The following SEC14L1 variants were observed in gnomAD, a reference collection of about 807,000 sequenced individuals.
SEC14L1 encodes SEC14-like protein 1.
SEC14L1 carries 48 observed loss-of-function variants against 85.3 expected under a neutral mutation model. The observed-to-expected ratio is 0.56, with a 90% CI of 0.45 to 0.72. SEC14L1 has a LOEUF of 0.72. Ranked by LOEUF, SEC14L1 falls within the 30% of genes least tolerant of loss-of-function variation. SEC14L1 has a pLI of 0.00. For missense variants in SEC14L1, 682 were observed against 921.4 expected (o/e 0.74, Z 3.36); for synonymous variants, 391 against 355.5 (o/e 1.10, Z -1.12).
At chr17:77,161,334 A>G (rs146886579) in intron 3 of SEC14L1, among the ~76,000 whole-genome samples, 2,916 of 152,282 alleles carry the variant, frequency 0.019, 40 homozygotes, top group Non-Finnish European at 0.028. Context: ...TAAAAATACA[A>G]AAATCAGCTG....
chr17:77,168,309 A>AT (rs981159009), intron 3 of SEC14L1, among the ~76,000 whole-genome samples: 2 of 152,106 alleles, frequency 1.3e-5, no homozygotes, highest in Non-Finnish European at 2.9e-5. Flanking sequence ...TCCTCTTCAC[A>AT]TTTTTTTAAC....
intron 3 of SEC14L1, among the ~76,000 whole-genome samples, chr17:77,165,178 A>C (rs1266450949): frequency 1.3e-5 from 2 of 152,226 alleles, no homozygotes; most frequent in African/African-American, 2.4e-5. Flanking sequence ...ATACGTAGCT[A>C]ATCAATGAAT....
At chr17:77,134,090 G>T (rs1972706176) in intron 3 of SEC14L1, among the ~76,000 whole-genome samples, 1 of 152,088 alleles carries the variant, frequency 6.6e-6, no homozygotes, top group African/African-American at 2.4e-5. Flanking sequence ...TTTCTCTGCT[G>T]CAGCGCTGCG....
intron 3 of SEC14L1, among the ~76,000 whole-genome samples, chr17:77,117,928 C>G (rs1186169693): frequency 6.6e-5 from 10 of 151,726 alleles, no homozygotes; most frequent in Non-Finnish European, 1.2e-4. Flanking sequence ...CTCACCTCCC[C>G]CTACACAAGG....
At chr17:77,120,942 T>G (rs1234575164) in intron 3 of SEC14L1, among the ~76,000 whole-genome samples, 1 of 152,004 alleles carries the variant, frequency 6.6e-6, no homozygotes, top group Non-Finnish European at 1.5e-5. Context: ...AGAGCATCGT[T>G]TTGTTATCGT....
In SEC14L1 at chr17:77,200,668, A is replaced by G. The variant is rs1976089754; in HGVS notation, c.1004A>G (p.Asp335Gly). 2 of 1,612,296 alleles carry G rather than the reference A, an allele frequency of 1.2e-6. No individual in the cohort carries two copies. The highest frequency in any genetic ancestry group is 1.3e-5 in the African/African-American group (1 of 74,854). ...TACGCGGGAGGCTGGCATCATCACGACAAAGGTACCGGATGGAGTTGAAAC... is the reference window on the plus strand; with the variant it reads ...TACGCGGGAGGCTGGCATCATCACGGCAAAGGTACCGGATGGAGTTGAAAC... ...DYYAGGWHHH[D>G]KDGRPLYVLR... Residue 335 changes from aspartate (D) to glycine (G), a missense_variant, in exon 9 of 17, where the codon GAC (aspartate) becomes GGC (glycine). This residue lies in a region of SEC14L1 where 420 missense variants were observed against 619.5 expected (regional missense o/e 0.68). Transcript: ENST00000436233.
intron 13 of SEC14L1, among the ~76,000 whole-genome samples, chr17:77,209,038 C>G (rs1001622776): frequency 2.0e-5 from 3 of 152,126 alleles, no homozygotes; most frequent in African/African-American, 7.2e-5. Context: ...TATAAATACC[C>G]CTAATGCTTA....
chr17:77,140,623 T>G (rs985001594), upstream of SEC14L1: 1 of 152,438 alleles, frequency 6.6e-6, no homozygotes, highest in Admixed American at 6.5e-5. Context: ...CGGCAGCCCC[T>G]TGGGGCTTCA....
At chr17:77,103,805 G>A (rs918474154) in intron 3 of SEC14L1, among the ~76,000 whole-genome samples, 1 of 108,906 alleles carries the variant, frequency 9.2e-6, no homozygotes, top group Non-Finnish European at 2.0e-5. Context: ...TTGACACTGA[G>A]CTGCCAGAAG....
intron 1 of SEC14L1, among the ~76,000 whole-genome samples, chr17:77,142,275 C>T (rs1047244635): frequency 1.3e-5 from 2 of 152,118 alleles, no homozygotes; most frequent in Non-Finnish European, 2.9e-5. Flanking sequence ...AACCTTAGTA[C>T]TATAGATGGG....
At chr17:77,187,154 A>C (rs563804711) in intron 3 of SEC14L1, among the ~76,000 whole-genome samples, 53 of 152,326 alleles carry the variant, frequency 3.5e-4, no homozygotes, top group Admixed American at 1.3e-4. Context: ...GCTATTCCCA[A>C]GATCCGAAAA....
chr17:77,158,400 T>C (rs935326445), intron 3 of SEC14L1, among the ~76,000 whole-genome samples: 3 of 152,228 alleles, frequency 2.0e-5, no homozygotes, highest in East Asian at 3.8e-4. Flanking sequence ...GTACCTCTTA[T>C]GGGTAGAATG....
chr17:77,203,687 G>T, intron 10 of SEC14L1, 29 bp downstream of exon 10: 1 of 1,570,060 alleles, frequency 6.4e-7, no homozygotes, highest in South Asian at 1.1e-5. Flanking sequence ...GACTCCAGGT[G>T]CCACTGTGGC....
At chr17:77,159,882 A>G (rs1219550765) in intron 3 of SEC14L1, among the ~76,000 whole-genome samples, 2 of 152,226 alleles carry the variant, frequency 1.3e-5, no homozygotes, top group African/African-American at 4.8e-5. Flanking sequence ...CACTTAAATA[A>G]AAGGGTGAAC....
At chr17:77,109,641 T>G (rs1972005335) in intron 3 of SEC14L1, among the ~76,000 whole-genome samples, 2 of 152,240 alleles carry the variant, frequency 1.3e-5, no homozygotes, top group Admixed American at 6.5e-5. Flanking sequence ...CTATGATTTT[T>G]GTTTAACACT....
chr17:77,114,448 T>C (rs1251437449), intron 3 of SEC14L1, among the ~76,000 whole-genome samples: 4 of 139,650 alleles, frequency 2.9e-5, no homozygotes, highest in East Asian at 2.2e-4. Context: ...CGCTTGAACC[T>C]GGGAGGCGGA....
chr17:77,195,687 CAT>C (rs1034709097), intron 7 of SEC14L1, among the ~76,000 whole-genome samples: 6 of 151,882 alleles, frequency 4.0e-5, no homozygotes, highest in Admixed American at 2.0e-4. Context: ...GGGGTTTCAC[CAT>C]GTTGGCCAGG....
intron 3 of SEC14L1, among the ~76,000 whole-genome samples, chr17:77,135,956 T>C (rs1463906623): frequency 6.6e-6 from 1 of 151,996 alleles, no homozygotes; most frequent in African/African-American, 2.4e-5. Context: ...CACTGCAAGC[T>C]CCATCTCCCG....
intron 9 of SEC14L1, among the ~76,000 whole-genome samples, chr17:77,202,196 TAG>T (rs1976185268): frequency 6.6e-6 from 1 of 151,986 alleles, no homozygotes; most frequent in South Asian, 2.1e-4. Flanking sequence ...TATAAAGAAG[TAG>T]AGTCAGGCCA....
Sources: allele counts gnomAD v4.1 joint callset (sites outside exome capture counted in the v4.1 genomes callset), GRCh38; gene constraint gnomAD v4.1.1; regional missense constraint gnomAD v4.1.1; transcripts MANE v1.5; gene names NCBI Gene and HGNC (gene_info 2026-07-23, HGNC 2026-07-21).